Variants in RPA2 observed in about 807,000 individuals in gnomAD.
The protein encoded by RPA2 is replication protein A2.
A neutral mutation model predicts 33.4 loss-of-function variants in RPA2; 22 were observed. The observed-to-expected ratio is 0.66, with a 90% CI of 0.47 to 0.94. The LOEUF (loss-of-function observed/expected upper bound fraction) is 0.94, where lower values mean the gene tolerates loss of function less well. RPA2 is among the 40% of genes least tolerant of loss of function. The pLI, the probability that RPA2 is intolerant of heterozygous loss-of-function variation, is 0.00. For missense variants in RPA2, 279 were observed against 329.9 expected (o/e 0.85, Z 1.19); for synonymous variants, 109 against 114.9 (o/e 0.95, Z 0.33).
At chr1:27,899,202 GC>G (rs2089931765) in intron 4 of RPA2, among the ~76,000 whole-genome samples, 2 of 151,712 alleles carry the variant, frequency 1.3e-5, no homozygotes, top group Admixed American at 1.3e-4. Flanking sequence ...GTGAAACCCT[GC>G]CTCTGTTAAT....
intron 8 of RPA2, 26 bp downstream of exon 8, chr1:27,893,986 T>A (rs748484927): frequency 6.4e-7 from 1 of 1,572,752 alleles, no homozygotes; most frequent in South Asian, 1.1e-5. Context: ...TGCCAGAGCC[T>A]GAGCTCATGA....
intron 5 of RPA2, among the ~76,000 whole-genome samples, 164 bp downstream of exon 5, chr1:27,897,469 T>C (rs200740903): frequency 2.7e-5 from 3 of 113,016 alleles, no homozygotes; most frequent in Non-Finnish European, 5.3e-5. Context: ...CATGTTAAGG[T>C]TAAAAAAAAA....
chr1:27,909,615 G>A (rs1331025704), intron 2 of RPA2, among the ~76,000 whole-genome samples: 1 of 152,128 alleles, frequency 6.6e-6, no homozygotes, highest in Non-Finnish European at 1.5e-5. Context: ...TGGGGAGGCT[G>A]AGGCAGGAGA....
intron 2 of RPA2, among the ~76,000 whole-genome samples, chr1:27,910,916 G>C (rs528688280): frequency 9.2e-5 from 14 of 152,152 alleles, no homozygotes; most frequent in Admixed American, 9.2e-4. Flanking sequence ...GAAAATACTA[G>C]ATTTAAAAAC....
At chr1:27,895,531 C>T (rs951064000) in intron 6 of RPA2, among the ~76,000 whole-genome samples, 4 of 151,820 alleles carry the variant, frequency 2.6e-5, no homozygotes, top group South Asian at 4.2e-4. Context: ...CTGGCTAACA[C>T]GGTGAAACCC....
intron 4 of RPA2, among the ~76,000 whole-genome samples, chr1:27,903,756 G>C (rs1049573955): frequency 6.7e-6 from 1 of 150,158 alleles, no homozygotes; most frequent in Non-Finnish European, 1.5e-5. Context: ...CACCAGGCAC[G>C]GTGGCATCAG....
chr1:27,914,701 A>C (rs767479680), upstream of RPA2: 157 of 1,609,368 alleles, frequency 9.8e-5, no homozygotes, highest in Non-Finnish European at 1.3e-4. Context: ...TGGCTCCAAA[A>C]GCCTCCGCGG....
chr1:27,899,334 G>C (rs2089934404), intron 4 of RPA2, among the ~76,000 whole-genome samples: 1 of 151,900 alleles, frequency 6.6e-6, no homozygotes, highest in Non-Finnish European at 1.5e-5. Flanking sequence ...GGGAAACCCT[G>C]TCTCTACTAA....
intron 2 of RPA2, among the ~76,000 whole-genome samples, chr1:27,909,356 C>A (rs1348700576): frequency 2.0e-5 from 3 of 152,150 alleles, no homozygotes; most frequent in Non-Finnish European, 4.4e-5. Flanking sequence ...GCTCAGTCAA[C>A]CGCTGGCACA....
At chr1:27,895,709 C>T (rs576950519) in intron 6 of RPA2, among the ~76,000 whole-genome samples, 25 of 151,938 alleles carry the variant, frequency 1.6e-4, no homozygotes, top group African/African-American at 5.3e-4. Flanking sequence ...CCAGCCTGGG[C>T]GAAAGAGCGA....
chr1:27,908,118 C>T (rs925642064), intron 2 of RPA2, among the ~76,000 whole-genome samples: 48 of 151,838 alleles, frequency 3.2e-4, no homozygotes, highest in Admixed American at 5.9e-4. Context: ...CAGGTGTGAA[C>T]CACTGCCCTC....
rs1415715269 is a variant in RPA2, at chr1:27,914,144, G to A, written c.36C>T (p.Ser12=). ...TGTAGCCGCCGGCTCCCCCGTATGA[G>A]GAGCTGCCATAGCTTTCGAATCCAC... The part of the protein sequence containing the change: ...WNSGFESYGS[S]SYGGAGGYTQ... The change falls in exon 2 of 9, where the codon TCC becomes TCT. Residue 12 remains serine, a synonymous_variant. Transcript: ENST00000373912. 3.1e-6 allele frequency: 5 copies of A among 1,613,702 alleles called. No individual in the cohort carries two copies. Among genetic ancestry groups the A allele is most frequent in the East Asian group, 2.2e-5 (1 of 44,866 alleles).
At chr1:27,905,152 A>C (rs1343860401) in intron 4 of RPA2, among the ~76,000 whole-genome samples, 1 of 152,168 alleles carries the variant, frequency 6.6e-6, no homozygotes, top group Admixed American at 6.6e-5. Flanking sequence ...TGCATACCAC[A>C]TTGTAATATG....
chr1:27,912,901 A>G (rs2090116418), intron 2 of RPA2, among the ~76,000 whole-genome samples: 1 of 152,186 alleles, frequency 6.6e-6, no homozygotes, highest in Non-Finnish European at 1.5e-5. Flanking sequence ...GTGACACCCT[A>G]TAAGTAAAGC....
intron 6 of RPA2, among the ~76,000 whole-genome samples, chr1:27,895,371 G>A (rs1025903897): frequency 2.0e-5 from 3 of 152,010 alleles, no homozygotes; most frequent in African/African-American, 4.8e-5. Context: ...GCAGTGAGCC[G>A]AGATCACGCC....
At chr1:27,898,992 G>A (rs142431918) in intron 4 of RPA2, among the ~76,000 whole-genome samples, 6 of 152,178 alleles carry the variant, frequency 3.9e-5, no homozygotes, top group African/African-American at 1.4e-4. Flanking sequence ...AGGATCCTTC[G>A]AGCTCAGGAG....
intron 2 of RPA2, among the ~76,000 whole-genome samples, chr1:27,907,817 G>A (rs945798703): frequency 6.6e-6 from 1 of 152,148 alleles, no homozygotes; most frequent in Admixed American, 6.6e-5. Flanking sequence ...CTGGGGAAAT[G>A]GAGTAAGAGC....
chr1:27,894,247 T>G, intron 7 of RPA2, 43 bp downstream of exon 7: 1 of 1,572,036 alleles, frequency 6.4e-7, no homozygotes, highest in Non-Finnish European at 8.7e-7. Flanking sequence ...AATTTAAGAC[T>G]ATCTGTGTTT....
At position 27,903,025 on chromosome 1, in the gene RPA2, CTTCAACTGA is replaced by C. The variant is rs564397036; in HGVS notation, c.333+3894_333+3902del. On this transcript the variant is annotated intron_variant, in intron 4 of 8. Transcript: ENST00000373912. ...GCTCACTGCAGTCTCTGCCTCCCAG[CTTCAACTGA>C]TTCTCCTGACTCAGCCTCCCGAGTA... Among the ~76,000 whole-genome samples, 1,065 of 152,208 alleles carry C rather than the reference CTTCAACTGA, an allele frequency of 7.0e-3. 16 individuals are homozygous for C. Among genetic ancestry groups the C allele is most frequent in the African/African-American group, 0.025 (1,020 of 41,510 alleles).
Sources: allele counts gnomAD v4.1 joint callset (sites outside exome capture counted in the v4.1 genomes callset), GRCh38; gene constraint gnomAD v4.1.1; transcripts MANE v1.5; gene names NCBI Gene and HGNC (gene_info 2026-07-23, HGNC 2026-07-21).